Variants in AASDH observed in about 807,000 individuals in gnomAD.
The protein encoded by AASDH is aminoadipate-semialdehyde dehydrogenase.
A neutral mutation model predicts 102.3 loss-of-function variants in AASDH; 81 were observed. That is an observed-to-expected ratio of 0.79 (90% CI 0.66 to 0.95). The LOEUF (loss-of-function observed/expected upper bound fraction) is 0.95, where lower values mean the gene tolerates loss of function less well. AASDH is among the 40% of genes least tolerant of loss of function. The pLI is 0.00. For missense variants in AASDH, 1,203 were observed against 1,266.2 expected, an observed-to-expected ratio of 0.95 and a Z score of 0.76; for synonymous variants, 398 against 454.0, an observed-to-expected ratio of 0.88 and a Z score of 1.57.
chr4:56,343,365 C>A (rs199772533), intron 13 of AASDH, among the ~76,000 whole-genome samples, 197 bp downstream of exon 13: 7 of 150,816 alleles, frequency 4.6e-5, no homozygotes, highest in Non-Finnish European at 3.0e-5. Context: ...CAAAAAAATA[C>A]ATATATATAT....
At chr4:56,351,576 GT>G in intron 9 of AASDH, 119 bp from the exon 10 acceptor site, 2 of 596,890 alleles carry the variant, frequency 3.4e-6, no homozygotes, top group South Asian at 4.8e-5. Flanking sequence ...CATATAAAGA[GT>G]TTGTTGTCAA....
chr4:56,368,030 C>T (rs2109957984), intron 5 of AASDH, among the ~76,000 whole-genome samples: 1 of 152,180 alleles, frequency 6.6e-6, no homozygotes, highest in East Asian at 1.9e-4. Flanking sequence ...AAGAAAAAAA[C>T]AAAAAACCCC....
At chr4:56,340,486 TA>T (rs1747534094) in intron 14 of AASDH, among the ~76,000 whole-genome samples, 2 of 152,124 alleles carry the variant, frequency 1.3e-5, no homozygotes, top group Non-Finnish European at 2.9e-5. Context: ...TGCAGAAGAA[TA>T]AACCAGACCC....
Position 56,338,400 on chromosome 4 carries a change from GATT to G in AASDH, c.3296_*1del, listed in dbSNP as rs1189211494. ...TGTTATACAAATAAGGACTGTATTT[GATT>G]ATTTTTGATTGCCACCCAATAAATC... On this transcript the variant is annotated stop_lost and 3_prime_UTR_variant, in exon 15 of 15. Transcript: ENST00000205214. 6.8e-6 allele frequency: 11 copies of G among 1,611,828 alleles called. No homozygotes were observed. Among genetic ancestry groups the G allele is most frequent in the Non-Finnish European group, 8.5e-6 (10 of 1,178,774 alleles).
intron 9 of AASDH, among the ~76,000 whole-genome samples, chr4:56,351,884 T>G (rs371146460): frequency 3.4e-5 from 5 of 147,914 alleles, no homozygotes; most frequent in Non-Finnish European, 7.4e-5. Context: ...ACCACTGCAT[T>G]CCAGCTTGGG....
intron 9 of AASDH, among the ~76,000 whole-genome samples, chr4:56,352,360 A>T (rs558120781): frequency 6.6e-6 from 1 of 152,278 alleles, no homozygotes; most frequent in East Asian, 1.9e-4. Context: ...GGGCCAAAAT[A>T]GAAAAAAGGC....
At chr4:56,387,104 C>A (rs1232223872) in intron 1 of AASDH, among the ~76,000 whole-genome samples, 1 of 152,146 alleles carries the variant, frequency 6.6e-6, no homozygotes. Flanking sequence ...TCTTCGAAAC[C>A]ACTCTAGGGG....
chr4:56,355,810 G>A (rs960849230), intron 5 of AASDH, among the ~76,000 whole-genome samples: 1 of 151,878 alleles, frequency 6.6e-6, no homozygotes, highest in African/African-American at 2.4e-5. Flanking sequence ...TTGTACAAAT[G>A]GGGCCTGTGT....
At chr4:56,344,750 A>G (rs1748120906) in intron 12 of AASDH, among the ~76,000 whole-genome samples, 1 of 152,122 alleles carries the variant, frequency 6.6e-6, no homozygotes, top group Non-Finnish European at 1.5e-5. Context: ...TTTGGTAATG[A>G]AGTTAAAAAG....
intron 10 of AASDH, among the ~76,000 whole-genome samples, chr4:56,351,126 T>A (rs1293528414): frequency 1.3e-5 from 2 of 152,240 alleles, no homozygotes; most frequent in Non-Finnish European, 2.9e-5. Context: ...TACTTCACTT[T>A]CAATAAATTT....
Position 56,371,524 on chromosome 4 carries a change from G to C in AASDH, c.788C>G (p.Pro263Arg). The C allele has an allele frequency of 6.2e-7, 1 of 1,613,174 alleles. No homozygotes were observed. The highest frequency in any genetic ancestry group is 8.5e-7 in the Non-Finnish European group (1 of 1,179,862). The stretch of plus-strand genomic sequence containing the variant: ...TGATGGGAGCAACTTGACGGAAGTT[G>C]GTACAATAAGCAGAGAGGCACCACT... ...LSSGASLLIV[P>R]TSVKLLPSKL... The change falls in exon 5 of 15, where the codon CCA (proline) becomes CGA (arginine). Residue 263 changes from proline to arginine, a missense_variant. Pro to Arg is a moderately radical substitution (Grantham distance 103). Transcript: ENST00000205214.
In AASDH at chr4:56,349,650, G is replaced by T. The variant is rs145747770; in HGVS notation, c.2101C>A (p.His701Asn). 3.0e-5 allele frequency: 49 copies of T among 1,614,208 alleles called. No homozygotes were observed. The African/African-American group carries it at 6.3e-4, about 21-fold the overall frequency. The change falls in exon 11 of 15, where the codon CAT becomes AAT. Residue 701 changes from histidine to asparagine, a missense_variant. Transcript: ENST00000205214. ...TCAGAAGGACAGGCTGAAGAGCAAT[G>T]TCCTAACTTTGTTAAAAACCTAGTG... The part of the protein sequence containing the change: ...NSTRFLTKLG[H>N]CSSACPSDSV...
chr4:56,347,525 A>G (rs1748462732), intron 11 of AASDH, among the ~76,000 whole-genome samples: 1 of 152,172 alleles, frequency 6.6e-6, no homozygotes, highest in Non-Finnish European at 1.5e-5. Context: ...GGACCCCCAT[A>G]TTCCTAATAG....
chr4:56,371,417 G>C, intron 5 of AASDH, 34 bp downstream of exon 5: 1 of 1,549,442 alleles, frequency 6.5e-7, no homozygotes, highest in Non-Finnish European at 8.7e-7. Context: ...ATTGAAAAAT[G>C]ATAAACAAAA....
At chr4:56,348,563 C>A (rs545447675) in intron 11 of AASDH, among the ~76,000 whole-genome samples, 2 of 152,156 alleles carry the variant, frequency 1.3e-5, no homozygotes, top group African/African-American at 4.8e-5. Flanking sequence ...CTGAGTTATG[C>A]CCTTCTAATT....
Position 56,384,802 on chromosome 4 carries a change from G to A in AASDH, c.-42-461C>T, listed in dbSNP as rs1036306186. ...TAAAATTACTAATGTGGCCGGGTGC[G>A]GTGGCTCACACCTGTAATCCCAGCA... On this transcript the variant is annotated intron_variant, in intron 1 of 14. Transcript: ENST00000205214. 3.9e-5 allele frequency among the ~76,000 whole-genome samples: 6 copies of A among 152,252 alleles called. No individual in the cohort carries two copies. In the South Asian group the frequency reaches 8.3e-4, roughly 21 times the overall value.
At chr4:56,379,525 T>TG (rs1267341634) in intron 3 of AASDH, among the ~76,000 whole-genome samples, 8 of 151,520 alleles carry the variant, frequency 5.3e-5, no homozygotes, top group Non-Finnish European at 1.2e-4. Flanking sequence ...TTTTGGGGAG[T>TG]GGGGGGAAGT....
At chr4:56,339,611 T>TGTG (rs1747399713) in intron 14 of AASDH, among the ~76,000 whole-genome samples, 1 of 150,762 alleles carries the variant, frequency 6.6e-6, no homozygotes, top group Non-Finnish European at 1.5e-5. Context: ...ATTAGCCAGG[T>TGTG]GTGGTGGCAC....
intron 5 of AASDH, among the ~76,000 whole-genome samples, chr4:56,365,946 AG>A (rs1368515938): frequency 1.3e-5 from 2 of 152,154 alleles, no homozygotes; most frequent in African/African-American, 4.8e-5. Context: ...TTTTTTGAAA[AG>A]ATCAACAAAA....
Sources: allele counts gnomAD v4.1 joint callset (sites outside exome capture counted in the v4.1 genomes callset), GRCh38; gene constraint gnomAD v4.1.1; transcripts MANE v1.5; gene names NCBI Gene and HGNC (gene_info 2026-07-23, HGNC 2026-07-21).